SNX10: variants seen among roughly 807,000 people sequenced by gnomAD.
The protein encoded by SNX10 is sorting nexin 10.
SNX10 carries 25 observed loss-of-function variants against 28.5 expected under a neutral mutation model. The ratio of observed to expected loss-of-function variants is 0.88; its 90% confidence interval spans 0.64 to 1.22. The LOEUF is 1.22. Ranked by LOEUF, SNX10 falls within the 50% of genes most tolerant of loss-of-function variation. SNX10 has a pLI of 0.00. For synonymous variants in SNX10, 62 were observed against 81.4 expected (o/e 0.76, Z 1.28); for missense variants, 223 against 242.6 (o/e 0.92, Z 0.54).
chr7:26,334,971 C>T (rs986336795), intron 1 of SNX10, among the ~76,000 whole-genome samples: 2 of 152,180 alleles, frequency 1.3e-5, no homozygotes, highest in South Asian at 4.1e-4. Flanking sequence ...GCCCAGCTTT[C>T]ATGTTTTGGT....
Position 26,325,306 on chromosome 7 carries a change from AATATATATAT to A in SNX10, c.-23-21101_-23-21092del, listed in dbSNP as rs149785859. Among the ~76,000 whole-genome samples, 21 of 51,332 alleles carry A rather than the reference AATATATATAT, an allele frequency of 4.1e-4. 2 individuals carry two copies. The highest frequency in any genetic ancestry group is 1.7e-3 in the Admixed American group (10 of 5,998). The allele number at this position is 51,332 out of a possible 152,430, so 33.7% of individuals were successfully genotyped here. On this transcript the variant is annotated intron_variant, in intron 1 of 6. Coordinates refer to ENST00000338523, the MANE Select transcript of SNX10 (RefSeq NM_013322.3). ...AATTTTTTTCTACTGAAGTTTGCAA[AATATATATAT>A]ATATATATATATTTGAGATGGAGTC...
At chr7:26,370,408 C>G (rs1415399799) in intron 5 of SNX10, 2 of 152,126 alleles carry the variant, frequency 1.3e-5, no homozygotes, top group Non-Finnish European at 2.9e-5. Flanking sequence ...GCGGAGGACA[C>G]AGAGGGAAAA....
chr7:26,331,185 A>G (rs967920235), intron 1 of SNX10, among the ~76,000 whole-genome samples: 5 of 151,246 alleles, frequency 3.3e-5, no homozygotes, highest in Non-Finnish European at 7.4e-5. Context: ...AAAAAAAAGT[A>G]GATGTATTAA....
chr7:26,314,143 A>G (rs1325884546), intron 1 of SNX10, among the ~76,000 whole-genome samples: 2 of 152,062 alleles, frequency 1.3e-5, no homozygotes, highest in African/African-American at 4.8e-5. Context: ...GGTAACAAAT[A>G]CCATTTTCTT....
At chr7:26,315,559 T>G (rs1787049873) in intron 1 of SNX10, among the ~76,000 whole-genome samples, 1 of 151,632 alleles carries the variant, frequency 6.6e-6, no homozygotes, top group Non-Finnish European at 1.5e-5. Context: ...TCCCAGCTAC[T>G]CGGGAGGCTG....
chr7:26,310,962 C>A (rs1380262570), intron 1 of SNX10, among the ~76,000 whole-genome samples: 1 of 151,800 alleles, frequency 6.6e-6, no homozygotes, highest in Non-Finnish European at 1.5e-5. Flanking sequence ...GGATTACAGG[C>A]GTGAGCCACC....
chr7:26,306,472 T>TA (rs1786598804), intron 1 of SNX10, among the ~76,000 whole-genome samples: 1 of 151,430 alleles, frequency 6.6e-6, no homozygotes, highest in South Asian at 2.1e-4. Flanking sequence ...AGTGTAGTGA[T>TA]ATGATCATGG....
At position 26,309,844 on chromosome 7, in the gene SNX10, A is replaced by G. The variant is rs535355433; in HGVS notation, c.-24+17758A>G. On this transcript the variant is annotated intron_variant, in intron 1 of 6. Coordinates refer to ENST00000338523, the MANE Select transcript of SNX10 (RefSeq NM_013322.3). ...GGCTTCTTCACTTGATCAGCTGCAC[A>G]GCCTTAGGTGCCTTTTCCTTATTTG... Among the ~76,000 whole-genome samples the G allele has an allele frequency of 4.6e-5, 7 of 152,302 alleles. No individual in the cohort carries two copies. The East Asian group carries it at 7.7e-4, about 17-fold the overall frequency.
chr7:26,314,485 A>G (rs1786988626), intron 1 of SNX10, among the ~76,000 whole-genome samples: 1 of 152,146 alleles, frequency 6.6e-6, no homozygotes, highest in African/African-American at 2.4e-5. Flanking sequence ...TTTTTATATT[A>G]TGACTAAGTA....
intron 1 of SNX10, among the ~76,000 whole-genome samples, chr7:26,339,732 A>G (rs1026738302): frequency 6.6e-6 from 1 of 151,630 alleles, no homozygotes; most frequent in Non-Finnish European, 1.5e-5. Context: ...TTTTTAGTAG[A>G]GACGGGGTTT....
chr7:26,363,179 C>G (rs1172342767), intron 3 of SNX10, among the ~76,000 whole-genome samples: 2 of 152,196 alleles, frequency 1.3e-5, no homozygotes, highest in African/African-American at 2.4e-5. Context: ...TTATTTGCCA[C>G]AAACTCCTTC....
intron 1 of SNX10, among the ~76,000 whole-genome samples, chr7:26,313,168 C>T (rs1562789707): frequency 1.3e-5 from 2 of 152,126 alleles, no homozygotes; most frequent in Non-Finnish European, 2.9e-5. Flanking sequence ...AAAAAGAGAA[C>T]GAGGCTAACT....
intron 2 of SNX10, among the ~76,000 whole-genome samples, chr7:26,359,189 C>A (rs1788966492): frequency 6.6e-6 from 1 of 152,036 alleles, no homozygotes; most frequent in Admixed American, 6.5e-5. Context: ...AATTCATAAT[C>A]CCTGTCTACT....
chr7:26,367,614 T>A (rs1194464985), intron 5 of SNX10, among the ~76,000 whole-genome samples: 1 of 152,110 alleles, frequency 6.6e-6, no homozygotes, highest in Non-Finnish European at 1.5e-5. Context: ...GTCCCTCAGA[T>A]CTGTGCTTGC....
At chr7:26,318,088 G>T (rs1443908078) in intron 1 of SNX10, among the ~76,000 whole-genome samples, 2 of 152,216 alleles carry the variant, frequency 1.3e-5, no homozygotes, top group Non-Finnish European at 2.9e-5. Flanking sequence ...AGTATGCCCA[G>T]AATATACTAG....
intron 1 of SNX10, among the ~76,000 whole-genome samples, chr7:26,294,492 G>A (rs1272697418): frequency 6.6e-6 from 1 of 152,122 alleles, no homozygotes; most frequent in Admixed American, 6.5e-5. Context: ...TCCAGGCATC[G>A]TGACATTATC....
At chr7:26,329,577 C>T (rs1415400035) in intron 1 of SNX10, among the ~76,000 whole-genome samples, 1 of 152,224 alleles carries the variant, frequency 6.6e-6, no homozygotes, top group South Asian at 2.1e-4. Flanking sequence ...GATCTTCTCT[C>T]CTGAACCCTG....
intron 2 of SNX10, among the ~76,000 whole-genome samples, chr7:26,358,565 C>T (rs893521623): frequency 1.3e-5 from 2 of 151,906 alleles, no homozygotes; most frequent in African/African-American, 4.8e-5. Context: ...CATAGCAAGA[C>T]CCCATCTCTA....
intron 1 of SNX10, among the ~76,000 whole-genome samples, chr7:26,318,110 G>C (rs1787162696): frequency 6.6e-6 from 1 of 152,166 alleles, no homozygotes; most frequent in Non-Finnish European, 1.5e-5. Context: ...ATTTTAAGAC[G>C]CAAATGTTAG....
Sources: gnomAD v4.1 joint callset for allele counts (sites outside exome capture counted in the v4.1 genomes callset) on GRCh38, gnomAD v4.1.1 for gene constraint, MANE v1.5 for transcripts, NCBI Gene and HGNC (gene_info 2026-07-23, HGNC 2026-07-21) for gene names.